The following COL12A1 variants were observed in gnomAD, a reference collection of about 807,000 sequenced individuals.
The protein encoded by COL12A1 is collagen alpha-1(XII) chain.
In COL12A1, 114 loss-of-function variants were observed where a neutral mutation model predicts 349.7. The observed-to-expected ratio is 0.33, with a 90% CI of 0.28 to 0.38. The LOEUF (loss-of-function observed/expected upper bound fraction) is 0.38, where lower values mean the gene tolerates loss of function less well. Ranked by LOEUF, COL12A1 falls within the 10% of genes least tolerant of loss-of-function variation. The pLI is 1.00. For missense variants in COL12A1, 3,284 were observed against 3,756.9 expected, an observed-to-expected ratio of 0.87 and a Z score of 3.29; for synonymous variants, 1,369 against 1,329.0, an observed-to-expected ratio of 1.03 and a Z score of -0.66.
Position 75,089,124 on chromosome 6 carries a change from C to T in COL12A1, c.8992G>A (p.Gly2998Arg). 1 of 1,611,338 alleles carries T rather than the reference C, an allele frequency of 6.2e-7. No individual in the cohort carries two copies. Among genetic ancestry groups the T allele is most frequent in the African/African-American group, 1.3e-5 (1 of 74,568 alleles). Residue 2998 changes from glycine to arginine, a missense_variant, in exon 64 of 66, where the codon GGG (glycine) becomes AGG (arginine). Gly to Arg is a moderately radical substitution (Grantham distance 125). This residue lies in a region of COL12A1 where 683 missense variants were observed against 932.1 expected (regional missense o/e 0.73). Transcript: ENST00000322507. The part of the protein sequence containing the change: ...ERGTGSSGPR[G>R]LPGPPGPQGE... ...AACCTACCTGGGGGGCCAGGCAGCC[C>T]CCGAGGTCCTGAAGATCCAGTACCC...
chr6:75,149,121 G>A (rs557075108), intron 21 of COL12A1, among the ~76,000 whole-genome samples: 2 of 152,140 alleles, frequency 1.3e-5, no homozygotes, highest in South Asian at 4.2e-4. Context: ...ACCCAGTCTT[G>A]GGTAGGTCTT....
chr6:75,184,178 A>C (rs775665739), intron 8 of COL12A1, 34 bp from the exon 9 acceptor site: 35 of 1,596,620 alleles, frequency 2.2e-5, no homozygotes, highest in South Asian at 1.6e-4. Flanking sequence ...GATTAATAAC[A>C]GTGAGATGTA....
chr6:75,165,688 A>G lies in COL12A1; in HGVS notation c.2802T>C (p.Gly934=), dbSNP rs777995528. 2 of 1,614,044 alleles carry G rather than the reference A, an allele frequency of 1.2e-6. No individual in the cohort carries two copies. The highest frequency in any genetic ancestry group is 1.7e-6 in the Non-Finnish European group (2 of 1,179,924). The change falls in exon 14 of 66, where the codon GGT becomes GGC. Residue 934 remains glycine, a synonymous_variant. Transcript: ENST00000322507. The part of the protein sequence containing the change: ...YWTSAPGMVR[G]YRVSWKSLYD... ...AAAGTGATTTCCATGAGACCCTGTA[A>G]CCGCGAACCATTCCTGGAGCAGATG...
Position 75,189,560 on chromosome 6 carries a change from G to A in COL12A1, c.650C>T (p.Thr217Ile). The A allele has an allele frequency of 6.2e-7, 1 of 1,612,014 alleles. No individual in the cohort carries two copies. Among genetic ancestry groups the A allele is most frequent in the Non-Finnish European group, 8.5e-7 (1 of 1,179,020 alleles). Residue 217 changes from threonine (T) to isoleucine (I), a missense_variant, in exon 6 of 66, where the codon ACA (threonine) becomes ATA (isoleucine). Thr to Ile is a moderately conservative substitution (Grantham distance 89, BLOSUM62 -1). Coordinates refer to ENST00000322507, the MANE Select transcript of COL12A1 (RefSeq NM_004370.6). ...IKKIPYKGGN[T>I]MTGDAIDYLV... ...AAATCTGTAGAACATACCTGTCATT[G>A]TGTTGCCACCTTTATATGGAATTTT...
chr6:75,191,782 A>G, intron 4 of COL12A1, 22 bp from the exon 5 acceptor site: 1 of 1,531,152 alleles, frequency 6.5e-7, no homozygotes, highest in South Asian at 1.3e-5. Context: ...CTTTATTATT[A>G]CAAAAGGAAA....
chr6:75,118,863 AT>A (rs1769213100), intron 46 of COL12A1, among the ~76,000 whole-genome samples, 179 bp downstream of exon 46: 1 of 152,194 alleles, frequency 6.6e-6, no homozygotes, highest in South Asian at 2.1e-4. Context: ...ACCCCATGTC[AT>A]TTTTGAGCAG....
intron 33 of COL12A1, 150 bp downstream of exon 33, chr6:75,133,708 C>T (rs1332527338): frequency 1.1e-6 from 1 of 917,976 alleles, no homozygotes; most frequent in Non-Finnish European, 1.6e-6. Context: ...GGCTCTAAGG[C>T]ATCAACTATT....
chr6:75,100,409 G>A (rs558630366), intron 58 of COL12A1, among the ~76,000 whole-genome samples: 1 of 151,970 alleles, frequency 6.6e-6, no homozygotes, highest in African/African-American at 2.4e-5. Context: ...ATATTCTGGG[G>A]TTTATTTTCT....
chr6:75,132,186 A>G, intron 34 of COL12A1, 104 bp from the exon 35 acceptor site: 1 of 1,375,140 alleles, frequency 7.3e-7, no homozygotes, highest in Admixed American at 2.0e-5. Flanking sequence ...ATAAAATGCT[A>G]TCTTCTTTAT....
Position 75,091,930 on chromosome 6 carries a change from C to T in COL12A1, c.8650-405G>A, listed in dbSNP as rs572888430. The stretch of plus-strand genomic sequence containing the variant: ...GTTATCTGAGCTGCTTATTGTGGAA[C>T]GTCCATGAGATTAGTCTCCATTCAG... On this transcript the variant is annotated intron_variant, in intron 60 of 65. Coordinates refer to ENST00000322507, the MANE Select transcript of COL12A1 (RefSeq NM_004370.6). 2.6e-5 allele frequency among the ~76,000 whole-genome samples: 4 copies of T among 152,186 alleles called. No individual in the cohort carries two copies. The South Asian group carries it at 6.2e-4, about 24-fold the overall frequency.
Position 75,151,986 on chromosome 6 carries a change from G to T in COL12A1, c.3881C>A (p.Ala1294Asp), listed in dbSNP as rs1231394496. ...FIRQQNFRTQ[A>D]GMRPRARKIG... ...TTTTCGAGCTCGAGGTCTCATGCCA[G>T]CTTGGGTCCTGAAGTTCTGTTGGCG... The change falls in exon 20 of 66, where the codon GCT becomes GAT. Residue 1294 changes from alanine to aspartate, a missense_variant. This residue lies in a region of COL12A1 where 2,601 missense variants were observed against 2,824.8 expected (regional missense o/e 0.92). Transcript: ENST00000322507. 2 of 1,613,890 alleles carry T rather than the reference G, an allele frequency of 1.2e-6. No homozygotes were observed. Among genetic ancestry groups the T allele is most frequent in the South Asian group, 2.2e-5 (2 of 91,084 alleles).
At chr6:75,088,190 AT>A (rs571176154) in intron 64 of COL12A1, among the ~76,000 whole-genome samples, 84 of 152,364 alleles carry the variant, frequency 5.5e-4, no homozygotes, top group African/African-American at 2.0e-3. Flanking sequence ...AAATGGAAAG[AT>A]TTAGCCATAG....
chr6:75,184,995 T>A (rs1169181883), intron 8 of COL12A1, among the ~76,000 whole-genome samples: 1 of 152,100 alleles, frequency 6.6e-6, no homozygotes, highest in Non-Finnish European at 1.5e-5. Flanking sequence ...CAACCAGATG[T>A]AGGACATAAA....
At chr6:75,105,106 TG>T in intron 54 of COL12A1, 99 bp downstream of exon 54, 3 of 951,414 alleles carry the variant, frequency 3.2e-6, no homozygotes, top group Non-Finnish European at 4.8e-6. Context: ...CTAGAAAACC[TG>T]GATGAATTGA....
intron 8 of COL12A1, among the ~76,000 whole-genome samples, chr6:75,186,741 G>T (rs1769643051): frequency 6.6e-6 from 1 of 152,068 alleles, no homozygotes; most frequent in African/African-American, 2.4e-5. Context: ...TGATAGACTG[G>T]ATAAGGAAAA....
intron 21 of COL12A1, 65 bp downstream of exon 21, chr6:75,151,076 A>AGC: frequency 4.6e-6 from 2 of 437,910 alleles, no homozygotes; most frequent in Non-Finnish European, 3.7e-6. Flanking sequence ...CCCCACCCAA[A>AGC]AGAATAATTA....
chr6:75,135,513 G>A lies in COL12A1; in HGVS notation c.5395-658C>T, dbSNP rs75432646. On this transcript the variant is annotated intron_variant, in intron 31 of 65. Coordinates refer to ENST00000322507, the MANE Select transcript of COL12A1 (RefSeq NM_004370.6). ...TTAAAGTTTTTATTCGTTACTTAAG[G>A]CCATCTAGCTATCTTGTTGAAAGAA... is the stretch of plus-strand genomic sequence containing the variant. 7.2e-5 allele frequency among the ~76,000 whole-genome samples: 11 copies of A among 152,196 alleles called. No homozygotes were observed. In the East Asian group the frequency reaches 2.1e-3, roughly 29 times the overall value.
At chr6:75,200,335 G>T (rs555277485) in intron 2 of COL12A1, among the ~76,000 whole-genome samples, 31 of 152,206 alleles carry the variant, frequency 2.0e-4, no homozygotes, top group Non-Finnish European at 3.8e-4. Flanking sequence ...CACTTTGGGA[G>T]GCCGAGGCAG....
At chr6:75,120,354 T>C (rs572435599) in intron 44 of COL12A1, among the ~76,000 whole-genome samples, 1 of 152,194 alleles carries the variant, frequency 6.6e-6, no homozygotes. Context: ...ACAAGTTTTG[T>C]TGATGAAATT....
Sources: allele counts gnomAD v4.1 joint callset (sites outside exome capture counted in the v4.1 genomes callset), GRCh38; gene constraint gnomAD v4.1.1; regional missense constraint gnomAD v4.1.1; transcripts MANE v1.5; gene names NCBI Gene and HGNC (gene_info 2026-07-23, HGNC 2026-07-21).